GRHL1: variants seen among roughly 807,000 people sequenced by gnomAD.
The protein encoded by GRHL1 is grainyhead-like protein 1 homolog.
A neutral mutation model predicts 75.7 loss-of-function variants in GRHL1; 38 were observed. The observed-to-expected ratio is 0.50, with a 90% CI of 0.39 to 0.66. The LOEUF (loss-of-function observed/expected upper bound fraction) is 0.66, where lower values mean the gene tolerates loss of function less well. Ranked by LOEUF, GRHL1 falls within the 30% of genes least tolerant of loss-of-function variation. GRHL1 has a pLI of 0.00. For missense variants in GRHL1, 589 were observed against 767.5 expected, an observed-to-expected ratio of 0.77 and a Z score of 2.75; for synonymous variants, 266 against 279.4, an observed-to-expected ratio of 0.95 and a Z score of 0.48.
intron 8 of GRHL1, among the ~76,000 whole-genome samples, chr2:9,972,223 C>T (rs1170460564): frequency 6.6e-6 from 1 of 151,188 alleles, no homozygotes; most frequent in African/African-American, 2.4e-5. Flanking sequence ...AATTTTTCCC[C>T]TTCCTCCACC....
chr2:9,960,997 A>T, intron 3 of GRHL1, 49 bp from the exon 4 acceptor site: 1 of 1,447,904 alleles, frequency 6.9e-7, no homozygotes, highest in Non-Finnish European at 9.3e-7. Flanking sequence ...AAAAATTGTC[A>T]AAGAACTACA....
At chr2:9,994,445 A>C (rs957900666) in intron 12 of GRHL1, among the ~76,000 whole-genome samples, 1 of 152,052 alleles carries the variant, frequency 6.6e-6, no homozygotes, top group African/African-American at 2.4e-5. Context: ...GAGAGAGCCA[A>C]GATTTCCATG....
chr2:9,959,362 T>A (rs186475872), intron 3 of GRHL1: 2 of 152,682 alleles, frequency 1.3e-5, no homozygotes, highest in East Asian at 3.8e-4. Context: ...TTTTAAATTG[T>A]CTTGTGTTTT....
intron 8 of GRHL1, among the ~76,000 whole-genome samples, chr2:9,969,972 A>G (rs754659738): frequency 2.6e-5 from 4 of 151,586 alleles, no homozygotes; most frequent in Admixed American, 1.3e-4. Flanking sequence ...CCTCCCGAGT[A>G]GCTGGGACTA....
rs1558320521 is a variant in GRHL1, at chr2:9,998,633, TATATATGTACACATATACATATAC to T, written c.1678-325_1678-302del. Among the ~76,000 whole-genome samples, 13 of 65,152 alleles carry T rather than the reference TATATATGTACACATATACATATAC, an allele frequency of 2.0e-4. 4 individuals are homozygous for T. The highest frequency in any genetic ancestry group is 1.8e-3 in the Admixed American group (10 of 5,484). 42.7% of individuals were successfully genotyped at this position (65,152 alleles called of 152,430 possible). A position where few individuals can be genotyped will look rare whatever the true frequency, so the allele number is the denominator to read the frequency against. On this transcript the variant is annotated intron_variant, in intron 14 of 15. Transcript: ENST00000324907. ...ATACATATATATGTACACATATACA[TATATATGTACACATATACATATAC>T]ATATATATGTACACATATATATACA...
At chr2:9,985,880 A>G (rs1668395874) in intron 8 of GRHL1, among the ~76,000 whole-genome samples, 1 of 152,220 alleles carries the variant, frequency 6.6e-6, no homozygotes, top group African/African-American at 2.4e-5. Flanking sequence ...GGAAGGGAAC[A>G]TAAGCAGAGG....
chr2:9,998,701 T>C lies in GRHL1; in HGVS notation c.1678-264T>C, dbSNP rs74211132. Among the ~76,000 whole-genome samples the C allele has an allele frequency of 6.8e-5, 5 of 73,464 alleles. 1 individual carries two copies. In the East Asian group the frequency reaches 1.0e-3, roughly 15 times the overall value. 48.2% of individuals were successfully genotyped at this position (73,464 alleles called of 152,430 possible). On this transcript the variant is annotated intron_variant, in intron 14 of 15. Transcript: ENST00000324907. Reference sequence around the variant, plus strand: ...ATATACATATATATGTACACACATATATATACATATATATGTACACACATA... The same window carrying C: ...ATATACATATATATGTACACACATACATATACATATATATGTACACACATA...
chr2:9,955,744 T>A lies in GRHL1; in HGVS notation c.207+643T>A, dbSNP rs578169291. Among the ~76,000 whole-genome samples the A allele has an allele frequency of 2.6e-5, 4 of 152,372 alleles. No homozygotes were observed. In the South Asian group the frequency reaches 8.3e-4, roughly 32 times the overall value. ...TACCAGCCTGCGTGCGACTTCTCAC[T>A]CAGAGGTCACAGCTAGGATGTGTGC... On this transcript the variant is annotated intron_variant, in intron 2 of 15. Transcript: ENST00000324907.
chr2:9,960,808 G>A lies in GRHL1; in HGVS notation c.279-238G>A, dbSNP rs888533946. 4 of 458,798 alleles carry A rather than the reference G, an allele frequency of 8.7e-6. No individual in the cohort carries two copies. The East Asian group carries it at 1.0e-4, about 12-fold the overall frequency. 28.4% of individuals were successfully genotyped at this position (458,798 alleles called of 1,614,324 possible). On this transcript the variant is annotated intron_variant, in intron 3 of 15. Transcript: ENST00000324907. Reference sequence around the variant, plus strand: ...TTATGGAAAGTAAAGCTTGTTAGAGGAGAGCTCTGAGCCCTTAGTATTTCG... The same window carrying A: ...TTATGGAAAGTAAAGCTTGTTAGAGAAGAGCTCTGAGCCCTTAGTATTTCG...
intron 3 of GRHL1, 173 bp downstream of exon 3, chr2:9,959,029 T>G: frequency 9.4e-7 from 1 of 1,063,804 alleles, no homozygotes; most frequent in Non-Finnish European, 1.3e-6. Flanking sequence ...TGCTCTGAAA[T>G]TTCCTTTTTT....
intron 14 of GRHL1, among the ~76,000 whole-genome samples, chr2:9,998,457 T>C (rs572944347): frequency 0.02 from 1,081 of 53,218 alleles, 64 homozygotes; most frequent in Non-Finnish European, 0.029. Flanking sequence ...TGTATATATA[T>C]ACATATATAT....
intron 8 of GRHL1, among the ~76,000 whole-genome samples, chr2:9,971,276 G>C (rs11889061): frequency 6.6e-6 from 1 of 151,978 alleles, no homozygotes; most frequent in East Asian, 1.9e-4. Context: ...CATTAGGCAG[G>C]GACAGGTTTG....
rs1558321372 is a variant in GRHL1 at position 9,998,799 on chromosome 2, C to CGTATATATATGTACACAT, written c.1678-166_1678-165insGTATATATATGTACACAT. Reference sequence around the variant, plus strand: ...ATATATACGTATATATATGTACACACATATATATACGTATATATATGTACA... The same window carrying CGTATATATATGTACACAT: ...ATATATACGTATATATATGTACACACGTATATATATGTACACATATATATATACGTATATATATGTACA... On this transcript the variant is annotated intron_variant, in intron 14 of 15. Coordinates refer to ENST00000324907, the MANE Select transcript of GRHL1 (RefSeq NM_198182.3). Among the ~76,000 whole-genome samples the CGTATATATATGTACACAT allele has an allele frequency of 9.2e-4, 27 of 29,298 alleles. 5 individuals carry two copies. Among genetic ancestry groups the CGTATATATATGTACACAT allele is most frequent in the South Asian group, 2.1e-3 (2 of 954 alleles). 19.2% of individuals were successfully genotyped at this position (29,298 alleles called of 152,430 possible). A position where few individuals can be genotyped will look rare whatever the true frequency, so the allele number is the denominator to read the frequency against.
intron 8 of GRHL1, among the ~76,000 whole-genome samples, chr2:9,980,442 A>G (rs942856754): frequency 3.3e-5 from 5 of 151,960 alleles, no homozygotes; most frequent in Admixed American, 6.5e-5. Context: ...AGAATTAAAT[A>G]TTTTGAAACA....
At chr2:9,967,263 GC>G (rs1480956964) in intron 8 of GRHL1, among the ~76,000 whole-genome samples, 4 of 152,338 alleles carry the variant, frequency 2.6e-5, no homozygotes, top group African/African-American at 9.6e-5. Context: ...AGAGTGGCCA[GC>G]TCTTCTTCGT....
At chr2:9,998,606 A>ATG (rs1168558889) in intron 14 of GRHL1, among the ~76,000 whole-genome samples, 1 of 49,438 alleles carries the variant, frequency 2.0e-5, no homozygotes, top group Non-Finnish European at 3.4e-5. Flanking sequence ...ACACATATAT[A>ATG]TATACATATA....
chr2:9,962,482 C>G lies in GRHL1; in HGVS notation c.697C>G (p.Arg233Gly). ...TTTCTTCCCCTCGGATCTCAGTCTG[C>G]GGATGCCTGGCATGAATTCAGAGGA... ...EVFFPSDLSL[R>G]MPGMNSEDYV... The change falls in exon 5 of 16, where the codon CGG (arginine) becomes GGG (glycine). Residue 233 changes from arginine to glycine, a missense_variant. Around this residue, in one of 5 missense-constraint regions of GRHL1, gnomAD observed 362 missense variants for 461.8 expected, o/e 0.78. Coordinates refer to ENST00000324907, the MANE Select transcript of GRHL1 (RefSeq NM_198182.3). The G allele has an allele frequency of 6.2e-7, 1 of 1,601,358 alleles. No homozygotes were observed. Among genetic ancestry groups the G allele is most frequent in the Non-Finnish European group, 8.6e-7 (1 of 1,168,390 alleles).
intron 8 of GRHL1, among the ~76,000 whole-genome samples, chr2:9,983,662 A>G (rs1668293442): frequency 6.6e-6 from 1 of 152,148 alleles, no homozygotes; most frequent in African/African-American, 2.4e-5. Context: ...GCTGTTTTTG[A>G]ACTAGGAATT....
At chr2:9,958,593 C>T (rs1176411522) in intron 2 of GRHL1, among the ~76,000 whole-genome samples, 193 bp from the exon 3 acceptor site, 1 of 152,112 alleles carries the variant, frequency 6.6e-6, no homozygotes, top group African/African-American at 2.4e-5. Context: ...ACATATCAAC[C>T]AGATGGGTGA....
Sources: gnomAD v4.1 joint callset for allele counts (sites outside exome capture counted in the v4.1 genomes callset) on GRCh38, gnomAD v4.1.1 for gene constraint, gnomAD v4.1.1 regional missense constraint, MANE v1.5 for transcripts, NCBI Gene and HGNC (gene_info 2026-07-23, HGNC 2026-07-21) for gene names.